PTPRD: variants seen among roughly 807,000 people sequenced by gnomAD.
PTPRD encodes the protein protein tyrosine phosphatase receptor type D.
PTPRD carries 34 observed loss-of-function variants against 214.5 expected under a neutral mutation model. That is an observed-to-expected ratio of 0.16 (90% CI 0.12 to 0.21). The LOEUF (loss-of-function observed/expected upper bound fraction) is 0.21, where lower values mean the gene tolerates loss of function less well. Among genes scored for constraint, PTPRD ranks in the 10% least tolerant of loss-of-function variants. The pLI is 1.00. For missense variants in PTPRD, 2,545 were observed against 2,398.7 expected, an observed-to-expected ratio of 1.06 and a Z score of -1.27; for synonymous variants, 1,128 against 845.7, an observed-to-expected ratio of 1.33 and a Z score of -5.79.
intron 14 of PTPRD, among the ~76,000 whole-genome samples, chr9:8,603,460 G>A (rs2094995247): frequency 6.6e-6 from 1 of 152,090 alleles, no homozygotes; most frequent in African/African-American, 2.4e-5. Flanking sequence ...TTGTAACACT[G>A]GAGCTACATC....
chr9:8,762,748 G>C (rs1299031996), intron 11 of PTPRD, among the ~76,000 whole-genome samples: 1 of 152,114 alleles, frequency 6.6e-6, no homozygotes, highest in Admixed American at 6.5e-5. Flanking sequence ...TTAACCCATA[G>C]GAAAAACGTC....
intron 39 of PTPRD, among the ~76,000 whole-genome samples, chr9:8,367,686 T>C (rs534823820): frequency 2.6e-5 from 4 of 152,318 alleles, no homozygotes; most frequent in African/African-American, 9.6e-5. Context: ...CTCTTCTGAA[T>C]CAACAATTAC....
At chr9:9,771,476 G>A (rs1282204805) in intron 5 of PTPRD, among the ~76,000 whole-genome samples, 2 of 152,192 alleles carry the variant, frequency 1.3e-5, no homozygotes, top group Admixed American at 6.5e-5. Flanking sequence ...ACCATAAGAA[G>A]TTGAGCTTAT....
At chr9:9,814,253 C>T (rs1037349107) in intron 5 of PTPRD, among the ~76,000 whole-genome samples, 1 of 151,046 alleles carries the variant, frequency 6.6e-6, no homozygotes, top group Non-Finnish European at 1.5e-5. Flanking sequence ...ATGTGTCTCT[C>T]TTACCACTTC....
intron 10 of PTPRD, among the ~76,000 whole-genome samples, chr9:9,118,334 G>A (rs1468248782): frequency 6.6e-6 from 1 of 152,166 alleles, no homozygotes; most frequent in Non-Finnish European, 1.5e-5. Flanking sequence ...CACAAGCGGA[G>A]TGAACAGATA....
chr9:10,401,418 A>G (rs2098267844), intron 2 of PTPRD, among the ~76,000 whole-genome samples: 1 of 151,220 alleles, frequency 6.6e-6, no homozygotes, highest in Non-Finnish European at 1.5e-5. Flanking sequence ...TGTCTTTCCA[A>G]TGGGCAGAGT....
At chr9:9,090,345 A>C (rs1020663063) in intron 10 of PTPRD, among the ~76,000 whole-genome samples, 1 of 152,208 alleles carries the variant, frequency 6.6e-6, no homozygotes, top group Admixed American at 6.5e-5. Flanking sequence ...TTCAATTAAC[A>C]TAATGACCTC....
At chr9:8,473,642 T>C (rs2096704596) in intron 30 of PTPRD, among the ~76,000 whole-genome samples, 1 of 152,154 alleles carries the variant, frequency 6.6e-6, no homozygotes, top group African/African-American at 2.4e-5. Flanking sequence ...GTTTCATTAA[T>C]TTTTTCTTCT....
intron 5 of PTPRD, among the ~76,000 whole-genome samples, chr9:9,850,596 T>A (rs1020181392): frequency 6.6e-6 from 1 of 152,152 alleles, no homozygotes; most frequent in Admixed American, 6.6e-5. Context: ...GTGTAAATGA[T>A]GATGTAAAAT....
At chr9:10,581,056 C>T (rs184669791) in intron 2 of PTPRD, among the ~76,000 whole-genome samples, 10 of 152,254 alleles carry the variant, frequency 6.6e-5, no homozygotes, top group Admixed American at 2.6e-4. Context: ...TGCCACTTCT[C>T]GGATGCGTAA....
At chr9:9,964,801 G>C (rs1418410530) in intron 4 of PTPRD, among the ~76,000 whole-genome samples, 2 of 152,066 alleles carry the variant, frequency 1.3e-5, no homozygotes, top group African/African-American at 2.4e-5. Flanking sequence ...ATAAACTAAG[G>C]CTTAGTTTGT....
chr9:9,210,747 T>C (rs1304502870), intron 9 of PTPRD, among the ~76,000 whole-genome samples: 1 of 152,140 alleles, frequency 6.6e-6, no homozygotes. Context: ...ATCTCCTTTC[T>C]CTTTGGCCAG....
chr9:8,345,328 A>C lies in PTPRD; in HGVS notation c.4662-3350T>G, dbSNP rs936644383. Among the ~76,000 whole-genome samples the C allele has an allele frequency of 2.8e-4, 43 of 152,034 alleles. 1 individual carries two copies. Among genetic ancestry groups the C allele is most frequent in the Admixed American group, 1.5e-3 (23 of 15,256 alleles). On this transcript the variant is annotated intron_variant, in intron 39 of 45. Transcript: ENST00000381196. ...CATACCTGGATAGCAGAGAAGACTC[A>C]AATGCAGGTTCTGAGGTGTTAAAAT...
chr9:9,111,571 T>A (rs1292650137), intron 10 of PTPRD, among the ~76,000 whole-genome samples: 2 of 152,100 alleles, frequency 1.3e-5, no homozygotes, highest in Non-Finnish European at 2.9e-5. Flanking sequence ...TTGCCAAAAG[T>A]AGTAACTATC....
chr9:9,090,096 T>C (rs1328292013), intron 10 of PTPRD, among the ~76,000 whole-genome samples: 1 of 152,162 alleles, frequency 6.6e-6, no homozygotes, highest in African/African-American at 2.4e-5. Context: ...TTCTAGCTAT[T>C]TTGAAATATA....
rs1594642439 is a variant in PTPRD, at chr9:9,664,079, A to G, written c.-287+70454T>C. Among the ~76,000 whole-genome samples the G allele has an allele frequency of 1.6e-4, 20 of 122,812 alleles. No homozygotes were observed. The South Asian group carries it at 5.1e-3, about 31-fold the overall frequency. The allele number at this position is 122,812 out of a possible 152,430, so 80.6% of individuals were successfully genotyped here. A position where few individuals can be genotyped will look rare whatever the true frequency, so the allele number is the denominator to read the frequency against. On this transcript the variant is annotated intron_variant, in intron 7 of 45. Transcript: ENST00000381196. The stretch of plus-strand genomic sequence containing the variant: ...AATATCTACATATACAAACATTTAC[A>G]CTCCTGTGTAAAAAAAAAAAAAAAA...
intron 5 of PTPRD, among the ~76,000 whole-genome samples, chr9:9,798,116 G>A (rs947617509): frequency 6.6e-5 from 10 of 152,046 alleles, no homozygotes; most frequent in Non-Finnish European, 1.2e-4. Context: ...AGTGATATTG[G>A]GGGCCCAAGC....
chr9:8,551,869 G>C (rs2082198441), intron 14 of PTPRD, among the ~76,000 whole-genome samples: 1 of 152,140 alleles, frequency 6.6e-6, no homozygotes, highest in Admixed American at 6.6e-5. Flanking sequence ...GATCAAACCA[G>C]AAATGTGATC....
At chr9:9,599,483 C>A (rs1311699913) in intron 7 of PTPRD, among the ~76,000 whole-genome samples, 1 of 152,050 alleles carries the variant, frequency 6.6e-6, no homozygotes, top group African/African-American at 2.4e-5. Context: ...GTGGATACAG[C>A]CCTTCCTCCA....
Sources: allele counts gnomAD v4.1 joint callset (sites outside exome capture counted in the v4.1 genomes callset), GRCh38; gene constraint gnomAD v4.1.1; transcripts MANE v1.5; gene names NCBI Gene and HGNC (gene_info 2026-07-23, HGNC 2026-07-21).